CACNA1S: variants seen among roughly 807,000 people sequenced by gnomAD.
The protein encoded by CACNA1S is voltage-dependent L-type calcium channel subunit alpha-1S.
CACNA1S carries 126 observed loss-of-function variants against 207.4 expected under a neutral mutation model. That is an observed-to-expected ratio of 0.61 (90% confidence interval 0.53 to 0.70). CACNA1S has a LOEUF of 0.70. CACNA1S is among the 30% of genes least tolerant of loss of function. The probability of loss-of-function intolerance (pLI) is 0.00; values close to 1 mark genes in which losing one functional copy is unlikely to be tolerated. For synonymous variants in CACNA1S, 960 were observed against 932.7 expected (o/e 1.03, Z -0.53); for missense variants, 2,349 against 2,422.8 (o/e 0.97, Z 0.64).
At chr1:201,078,434 A>G (rs1011894948) in intron 10 of CACNA1S, among the ~76,000 whole-genome samples, 2 of 151,214 alleles carry the variant, frequency 1.3e-5, no homozygotes, top group South Asian at 2.1e-4. Context: ...TCCTGGGCTC[A>G]AGCAATCCAC....
intron 4 of CACNA1S, 79 bp from the exon 5 acceptor site, chr1:201,091,871 G>A (rs1662246049): frequency 3.1e-6 from 5 of 1,597,030 alleles, no homozygotes; most frequent in Admixed American, 3.5e-5. Flanking sequence ...TAAATCCTGG[G>A]AAGCCCCTGA....
At chr1:201,104,614 T>C (rs1185049869) in intron 2 of CACNA1S, among the ~76,000 whole-genome samples, 1 of 152,244 alleles carries the variant, frequency 6.6e-6, no homozygotes, top group Non-Finnish European at 1.5e-5. Flanking sequence ...TTGTTCTCTT[T>C]TGAGTTGAAC....
chr1:201,052,455 TCA>T, intron 32 of CACNA1S, 100 bp downstream of exon 32: 1 of 887,716 alleles, frequency 1.1e-6, no homozygotes, highest in Non-Finnish European at 1.9e-6. Flanking sequence ...GCTGCACAGG[TCA>T]CACACCCATG....
intron 16 of CACNA1S, 107 bp from the exon 17 acceptor site, chr1:201,070,511 G>C: frequency 6.7e-7 from 1 of 1,492,018 alleles, no homozygotes; most frequent in East Asian, 2.3e-5. Flanking sequence ...GTAAGCAAGG[G>C]ACCACCAGGC....
chr1:201,107,390 C>T (rs1184937679), intron 2 of CACNA1S, among the ~76,000 whole-genome samples: 2 of 152,220 alleles, frequency 1.3e-5, no homozygotes, highest in African/African-American at 2.4e-5. Context: ...ATAATATCCC[C>T]AAATCTTGAA....
Position 201,093,909 on chromosome 1 carries a change from A to G in CACNA1S, c.371T>C (p.Val124Ala), listed in dbSNP as rs1270593655. ...CAGGAAGACAATGGTGAAGTCCAGCACATTCCAGCCACTGCGCAGGTAAGC... is the reference window on the plus strand; with the variant it reads ...CAGGAAGACAATGGTGAAGTCCAGCGCATTCCAGCCACTGCGCAGGTAAGC... ...QDAYLRSGWN[V>A]LDFTIVFLGV... is the part of the protein sequence containing the mutation. The change falls in exon 3 of 44, where the codon GTG becomes GCG. Residue 124 changes from valine (V) to alanine (A), a missense_variant. Physicochemically the swap from Val to Ala is moderately conservative, Grantham distance 64 (BLOSUM62 0). Coordinates refer to ENST00000362061, the MANE Select transcript of CACNA1S (RefSeq NM_000069.3). 1 of 1,614,218 alleles carries G rather than the reference A, an allele frequency of 6.2e-7. No homozygotes were observed. Among genetic ancestry groups the G allele is most frequent in the Admixed American group, 1.7e-5 (1 of 60,030 alleles).
At chr1:201,058,037 C>T (rs1425206994) in intron 28 of CACNA1S, among the ~76,000 whole-genome samples, 1 of 152,188 alleles carries the variant, frequency 6.6e-6, no homozygotes, top group African/African-American at 2.4e-5. Context: ...GCCTCTCCTA[C>T]AGTAGCCCTG....
intron 2 of CACNA1S, among the ~76,000 whole-genome samples, chr1:201,094,399 C>T (rs1412108567): frequency 2.6e-5 from 4 of 152,110 alleles, no homozygotes; most frequent in Non-Finnish European, 5.9e-5. Context: ...TATCTATCTT[C>T]TCCACTAGAA....
Position 201,065,855 on chromosome 1 carries a change from C to G in CACNA1S, c.2836G>C (p.Gly946Arg). ...GGGCTCACCTTGAAGAGCTGGACGC[C>G]GATGCAGGCAAACATGAACTGTAGG... ...TLLQFMFACI[G>R]VQLFKGKFFR... Residue 946 changes from glycine (G) to arginine (R), a missense_variant, in exon 22 of 44, where the codon GGC (glycine) becomes CGC (arginine). Physicochemically the swap from Gly to Arg is moderately radical, Grantham distance 125. Coordinates refer to ENST00000362061, the MANE Select transcript of CACNA1S (RefSeq NM_000069.3). The G allele has an allele frequency of 6.2e-7, 1 of 1,613,880 alleles. No individual in the cohort carries two copies. The highest frequency in any genetic ancestry group is 1.7e-5 in the Admixed American group (1 of 60,022).
intron 19 of CACNA1S, 136 bp downstream of exon 19, chr1:201,069,001 T>A: frequency 2.5e-6 from 2 of 786,612 alleles, no homozygotes; most frequent in East Asian, 2.7e-5. Context: ...CCTGCCGGTG[T>A]GCTGGGTCCC....
chr1:201,051,147 G>A lies in CACNA1S; in HGVS notation c.3954-4C>T, dbSNP rs879008002. The A allele has an allele frequency of 6.2e-7, 1 of 1,614,190 alleles. No homozygotes were observed. Among genetic ancestry groups the A allele is most frequent in the South Asian group, 1.1e-5 (1 of 91,086 alleles). Reference sequence around the variant, plus strand: ...CCAGGCCTCACCTGTTGCACACCTAGAGGACAGAAGAGGCTCCTGTCACCT... The same window carrying A: ...CCAGGCCTCACCTGTTGCACACCTAAAGGACAGAAGAGGCTCCTGTCACCT... On this transcript the variant is annotated splice_polypyrimidine_tract_variant and splice_region_variant and intron_variant, in intron 32 of 43. Coordinates refer to ENST00000362061, the MANE Select transcript of CACNA1S (RefSeq NM_000069.3).
intron 24 of CACNA1S, among the ~76,000 whole-genome samples, chr1:201,061,734 G>A (rs939790683): frequency 2.0e-5 from 3 of 152,192 alleles, no homozygotes; most frequent in Admixed American, 1.3e-4. Flanking sequence ...TACACCTATG[G>A]GGGACTGCGT....
chr1:201,099,364 G>A (rs1460777246), intron 2 of CACNA1S, among the ~76,000 whole-genome samples: 2 of 152,184 alleles, frequency 1.3e-5, no homozygotes, highest in Admixed American at 6.5e-5. Context: ...ACCTTACTGG[G>A]CTGGCCTGGG....
chr1:201,060,679 G>A lies in CACNA1S; in HGVS notation c.3393C>T (p.Asn1131=). ...EYLMFALIML[N]TICLGMQHYN... The stretch of plus-strand genomic sequence containing the variant: ...TTACCTGCATGCCGAGGCAGATGGT[G>A]TTGAGCATGATGAGGGCAAACATCA... Residue 1131 remains asparagine (N), a synonymous_variant, in exon 26 of 44, where the codon AAC becomes AAT. Transcript: ENST00000362061. 1.2e-6 allele frequency: 2 copies of A among 1,614,228 alleles called. No individual in the cohort carries two copies. Among genetic ancestry groups the A allele is most frequent in the Non-Finnish European group, 1.7e-6 (2 of 1,180,030 alleles).
At chr1:201,073,397 C>T in intron 15 of CACNA1S, 152 bp downstream of exon 15, 1 of 758,078 alleles carries the variant, frequency 1.3e-6, no homozygotes, top group Non-Finnish European at 2.4e-6. Context: ...TTCGCTGGCT[C>T]TCCCTCCAGT....
At chr1:201,100,192 C>T (rs911266593) in intron 2 of CACNA1S, among the ~76,000 whole-genome samples, 1 of 152,262 alleles carries the variant, frequency 6.6e-6, no homozygotes, top group Non-Finnish European at 1.5e-5. Flanking sequence ...ATTTCTTGCA[C>T]ACCTCAGTTG....
intron 19 of CACNA1S, among the ~76,000 whole-genome samples, chr1:201,068,610 T>C (rs139113250): frequency 0.28 from 41,928 of 149,594 alleles, 6,725 homozygotes; most frequent in Non-Finnish European, 0.36. Context: ...AGGTGGCTCA[T>C]GCCTGTAATC....
intron 28 of CACNA1S, among the ~76,000 whole-genome samples, chr1:201,057,924 C>A (rs1660902857): frequency 6.6e-6 from 1 of 152,222 alleles, no homozygotes; most frequent in African/African-American, 2.4e-5. Context: ...CCGCTTAGCT[C>A]TCCAGCCTTG....
At chr1:201,064,337 C>A (rs774504934) in intron 22 of CACNA1S, among the ~76,000 whole-genome samples, 2 of 152,294 alleles carry the variant, frequency 1.3e-5, no homozygotes, top group East Asian at 3.9e-4. Flanking sequence ...AGTGGCCAGA[C>A]ACAATAAACA....
Sources: allele counts gnomAD v4.1 joint callset (sites outside exome capture counted in the v4.1 genomes callset), GRCh38; gene constraint gnomAD v4.1.1; transcripts MANE v1.5; gene names NCBI Gene and HGNC (gene_info 2026-07-23, HGNC 2026-07-21).